The following AP3B1 variants were observed in gnomAD, a reference collection of about 807,000 sequenced individuals.
The protein encoded by AP3B1 is AP-3 complex subunit beta-1.
Under a neutral mutation model 132.5 loss-of-function variants are expected in AP3B1, and 61 were observed. The observed-to-expected ratio is 0.46, with a 90% CI of 0.37 to 0.57. The LOEUF (loss-of-function observed/expected upper bound fraction) is 0.57, where lower values mean the gene tolerates loss of function less well. Among genes scored for constraint, AP3B1 ranks in the 20% least tolerant of loss-of-function variants. AP3B1 has a pLI of 0.00. For missense variants in AP3B1, 1,120 were observed against 1,289.4 expected (o/e 0.87, Z 2.01); for synonymous variants, 388 against 438.3 (o/e 0.89, Z 1.43).
intron 1 of AP3B1, among the ~76,000 whole-genome samples, chr5:78,272,996 T>C (rs1748611884): frequency 1.0e-5 from 1 of 97,474 alleles, no homozygotes; most frequent in Admixed American, 9.3e-5. Context: ...AGAAAATAAC[T>C]ATAAAAGCTG....
chr5:78,240,935 A>T lies in AP3B1; in HGVS notation c.206T>A (p.Met69Lys). The change falls in exon 3 of 27, where the codon ATG becomes AAG. Residue 69 changes from methionine (M) to lysine (K), a missense_variant and splice_region_variant. Met to Lys is a moderately conservative substitution (Grantham distance 95, BLOSUM62 -1). Transcript: ENST00000255194. ...AGATGCATTTTTCCCTTTTGCAATCATCTGAAGAATAAACAAAACAGACAA... is the reference window on the plus strand; with the variant it reads ...AGATGCATTTTTCCCTTTTGCAATCTTCTGAAGAATAAACAAAACAGACAA... The part of the protein sequence containing the change: ...KLDAMKRIVG[M>K]IAKGKNASEL... The T allele has an allele frequency of 3.7e-6, 6 of 1,608,766 alleles. No homozygotes were observed. Among genetic ancestry groups the T allele is most frequent in the Non-Finnish European group, 5.1e-6 (6 of 1,175,440 alleles).
chr5:78,107,114 C>A (rs780155588), intron 20 of AP3B1, among the ~76,000 whole-genome samples: 2 of 152,100 alleles, frequency 1.3e-5, no homozygotes, highest in African/African-American at 2.4e-5. Flanking sequence ...GTACTAAGTA[C>A]TAATTTGGGG....
At chr5:78,248,593 C>T (rs1027623769) in intron 2 of AP3B1, among the ~76,000 whole-genome samples, 2 of 151,896 alleles carry the variant, frequency 1.3e-5, no homozygotes, top group Admixed American at 6.6e-5. Flanking sequence ...TATGTTTAGC[C>T]ACCCATATTA....
At chr5:78,255,934 G>T (rs771915196) in intron 2 of AP3B1, among the ~76,000 whole-genome samples, 6 of 151,930 alleles carry the variant, frequency 3.9e-5, no homozygotes, top group Non-Finnish European at 5.9e-5. Flanking sequence ...ATAACAAAAG[G>T]AATTTTGGAA....
At chr5:78,203,499 G>C (rs1411539373) in intron 7 of AP3B1, among the ~76,000 whole-genome samples, 1 of 152,120 alleles carries the variant, frequency 6.6e-6, no homozygotes, top group African/African-American at 2.4e-5. Context: ...GACATGTGGG[G>C]ATTATTACAG....
intron 1 of AP3B1, among the ~76,000 whole-genome samples, chr5:78,286,908 A>G (rs910881124): frequency 6.6e-6 from 1 of 152,206 alleles, no homozygotes; most frequent in African/African-American, 2.4e-5. Flanking sequence ...AATAGAGGAA[A>G]ATCATTTCCT....
rs188525102 is a variant in AP3B1 at position 78,249,156 on chromosome 5, A to G, written c.205-8220T>C. Among the ~76,000 whole-genome samples, 159 of 151,962 alleles carry G rather than the reference A, an allele frequency of 1.0e-3. 1 individual carries two copies. The highest frequency in any genetic ancestry group is 3.7e-3 in the African/African-American group (155 of 41,466). On this transcript the variant is annotated intron_variant, in intron 2 of 26. Coordinates refer to ENST00000255194, the MANE Select transcript of AP3B1 (RefSeq NM_003664.5). Reference sequence around the variant, plus strand: ...GATCACCTGAGATCAGGAGTTCGAGACCAGCCTGACCAACATGGTGAAACC... The same window carrying G: ...GATCACCTGAGATCAGGAGTTCGAGGCCAGCCTGACCAACATGGTGAAACC...
At chr5:78,248,492 CAAAAAAA>C (rs34983157) in intron 2 of AP3B1, among the ~76,000 whole-genome samples, 5 of 71,370 alleles carry the variant, frequency 7.0e-5, no homozygotes, top group Non-Finnish European at 1.0e-4. Flanking sequence ...GACTCTGTCT[CAAAAAAA>C]AAAAAAAAAA....
chr5:78,239,634 C>G (rs1209436948), intron 3 of AP3B1, among the ~76,000 whole-genome samples: 1 of 151,616 alleles, frequency 6.6e-6, no homozygotes, highest in African/African-American at 2.4e-5. Flanking sequence ...AAAAAACTAG[C>G]CAAGCATGGT....
At chr5:78,035,329 A>G (rs1205566447) in intron 23 of AP3B1, among the ~76,000 whole-genome samples, 1 of 152,148 alleles carries the variant, frequency 6.6e-6, no homozygotes, top group Non-Finnish European at 1.5e-5. Context: ...TGCTCAAAGT[A>G]TTCTGTATAA....
chr5:78,099,307 T>C (rs571456724), intron 21 of AP3B1, among the ~76,000 whole-genome samples: 1 of 152,310 alleles, frequency 6.6e-6, no homozygotes, highest in African/African-American at 2.4e-5. Flanking sequence ...GTAGGTGACT[T>C]CTGAGTTGGG....
chr5:78,028,956 C>T lies in AP3B1; in HGVS notation c.2894+5405G>A, dbSNP rs138252895. On this transcript the variant is annotated intron_variant, in intron 24 of 26. Coordinates refer to ENST00000255194, the MANE Select transcript of AP3B1 (RefSeq NM_003664.5). ...ATCTTTCTCCTCTCTAATCTTTCTT[C>T]GTTGTCTTTTTTCTTTAATCATATT... 1.4e-4 allele frequency among the ~76,000 whole-genome samples: 21 copies of T among 152,158 alleles called. 1 individual carries two copies. Among genetic ancestry groups the T allele is most frequent in the Admixed American group, 4.6e-4 (7 of 15,292 alleles).
intron 21 of AP3B1, among the ~76,000 whole-genome samples, chr5:78,090,495 C>G (rs1035848531): frequency 5.3e-5 from 8 of 152,208 alleles, no homozygotes; most frequent in Non-Finnish European, 1.2e-4. Flanking sequence ...CATCTTGCAA[C>G]TTCGATCTGG....
chr5:78,199,278 G>C (rs1201726734), intron 7 of AP3B1, among the ~76,000 whole-genome samples: 1 of 152,174 alleles, frequency 6.6e-6, no homozygotes, highest in East Asian at 1.9e-4. Flanking sequence ...GAGAAATCTA[G>C]AGGATCTATA....
chr5:78,101,282 T>C (rs1401400437), intron 20 of AP3B1: 3 of 479,070 alleles, frequency 6.3e-6, no homozygotes, highest in African/African-American at 5.9e-5. Flanking sequence ...TTTAAAGGTA[T>C]GTAATTATTC....
intron 15 of AP3B1, among the ~76,000 whole-genome samples, chr5:78,130,023 T>C (rs1752624298): frequency 6.6e-6 from 1 of 152,114 alleles, no homozygotes; most frequent in South Asian, 2.1e-4. Context: ...GAACAACTTA[T>C]TATAGTAGCT....
intron 24 of AP3B1, among the ~76,000 whole-genome samples, chr5:78,024,915 T>C (rs1432305948): frequency 6.7e-6 from 1 of 150,088 alleles, no homozygotes; most frequent in African/African-American, 2.5e-5. Flanking sequence ...CCCAGGCTGA[T>C]CTTGAACTCC....
At chr5:78,216,303 G>T in intron 6 of AP3B1, 66 bp from the exon 7 acceptor site, 1 of 1,425,654 alleles carries the variant, frequency 7.0e-7, no homozygotes, top group Non-Finnish European at 9.7e-7. Flanking sequence ...GTCTTACTCA[G>T]GCATTATAGT....
At chr5:78,123,723 A>C (rs1359478138) in intron 17 of AP3B1, among the ~76,000 whole-genome samples, 1 of 151,950 alleles carries the variant, frequency 6.6e-6, no homozygotes, top group Non-Finnish European at 1.5e-5. Flanking sequence ...GATGTGGAGA[A>C]ATAGGAACAC....
Sources: gnomAD v4.1 joint callset for allele counts (sites outside exome capture counted in the v4.1 genomes callset) on GRCh38, gnomAD v4.1.1 for gene constraint, MANE v1.5 for transcripts, NCBI Gene and HGNC (gene_info 2026-07-23, HGNC 2026-07-21) for gene names.